JAKMIP3: variants seen among roughly 807,000 people sequenced by gnomAD.
JAKMIP3 encodes Janus kinase and microtubule interacting protein 3, also known as janus kinase and microtubule-interacting protein 3.
A neutral mutation model predicts 118.5 loss-of-function variants in JAKMIP3; 58 were observed. The ratio of observed to expected loss-of-function variants is 0.49; its 90% confidence interval spans 0.40 to 0.61. The LOEUF (loss-of-function observed/expected upper bound fraction) is 0.61, where lower values mean the gene tolerates loss of function less well. Ranked by LOEUF, JAKMIP3 falls within the 20% of genes least tolerant of loss-of-function variation. The probability of loss-of-function intolerance (pLI) is 0.00; values close to 1 mark genes in which losing one functional copy is unlikely to be tolerated. For synonymous variants in JAKMIP3, 486 were observed against 451.2 expected (o/e 1.08, Z -0.98); for missense variants, 950 against 1,109.0 (o/e 0.86, Z 2.04).
rs1375893679 is a variant in JAKMIP3, at chr10:132,167,852, C to T, written c.*23-101C>T. The T allele has an allele frequency of 1.8e-3, 778 of 423,176 alleles. 2 individuals are homozygous for T. Among genetic ancestry groups the T allele is most frequent in the Non-Finnish European group, 2.2e-3 (594 of 273,164 alleles). 26.2% of individuals were successfully genotyped at this position (423,176 alleles called of 1,614,324 possible). ...CACCCCTCGGCCCTCGCCCCTCGCCCCTCACCCCTCGGCCCTCGCCCCTCG... is the reference window on the plus strand; with the variant it reads ...CACCCCTCGGCCCTCGCCCCTCGCCTCTCACCCCTCGGCCCTCGCCCCTCG... On this transcript the variant is annotated intron_variant, in intron 22 of 23. Transcript: ENST00000684848.
chr10:132,073,799 A>C (rs1324247367), intron 1 of JAKMIP3, among the ~76,000 whole-genome samples: 1 of 151,864 alleles, frequency 6.6e-6, no homozygotes, highest in African/African-American at 2.4e-5. Flanking sequence ...CACCTGGCCT[A>C]TCTTTACTAT....
chr10:132,047,888 G>A (rs964809355), intron 1 of JAKMIP3, among the ~76,000 whole-genome samples: 10 of 143,938 alleles, frequency 6.9e-5, no homozygotes, highest in African/African-American at 2.5e-4. Flanking sequence ...CCCGCCCCCC[G>A]CGAGCTGACG....
At chr10:132,059,844 T>A (rs114667825), upstream of JAKMIP3, among the ~76,000 whole-genome samples, 1,884 of 152,294 alleles carry the variant, frequency 0.012, 31 homozygotes, top group African/African-American at 0.043. Context: ...GACTTTACCT[T>A]GGAGAACCAG....
chr10:132,052,574 C>T (rs369573936), intron 1 of JAKMIP3, among the ~76,000 whole-genome samples: 2 of 152,118 alleles, frequency 1.3e-5, no homozygotes, highest in African/African-American at 2.4e-5. Context: ...TGGGTTCTGC[C>T]TCTTTGTTTG....
intron 1 of JAKMIP3, among the ~76,000 whole-genome samples, chr10:132,097,777 T>A (rs1280176640): frequency 2.0e-5 from 3 of 151,662 alleles, no homozygotes; most frequent in Non-Finnish European, 4.4e-5. Context: ...TAAGAAAAAG[T>A]CATGGCACTT....
rs1006394749 is a variant in JAKMIP3, at chr10:132,184,520, T to A, written c.*3267T>A. 4.6e-5 allele frequency: 7 copies of A among 152,226 alleles called. No homozygotes were observed. Among genetic ancestry groups the A allele is most frequent in the South Asian group, 2.1e-4 (1 of 4,830 alleles). 9.4% of individuals were successfully genotyped at this position (152,226 alleles called of 1,614,324 possible). On this transcript the variant is annotated 3_prime_UTR_variant, in exon 24 of 24. Transcript: ENST00000684848. Reference sequence around the variant, plus strand: ...ATATATTTGTTTACTGTATATTTTTTAAAAAGCTTTATTGTAAATTTATGC... The same window carrying A: ...ATATATTTGTTTACTGTATATTTTTAAAAAAGCTTTATTGTAAATTTATGC...
At chr10:132,082,470 C>T (rs2041897864) in intron 1 of JAKMIP3, among the ~76,000 whole-genome samples, 1 of 152,108 alleles carries the variant, frequency 6.6e-6, no homozygotes. Flanking sequence ...CGAGTGAGAG[C>T]ATATGATGTT....
chr10:132,036,811 G>A (rs1265479071), intron 1 of JAKMIP3, among the ~76,000 whole-genome samples: 1 of 151,726 alleles, frequency 6.6e-6, no homozygotes, highest in African/African-American at 2.4e-5. Flanking sequence ...GTGCGTCCGG[G>A]ACGCGGGCGC....
intron 2 of JAKMIP3, among the ~76,000 whole-genome samples, chr10:132,116,584 G>A (rs558176665): frequency 1.3e-4 from 3 of 23,154 alleles, no homozygotes; most frequent in Admixed American, 5.3e-4. Flanking sequence ...CGCTCCCCCC[G>A]AATACACATT....
At chr10:132,130,765 C>T (rs2050418521) in intron 3 of JAKMIP3, among the ~76,000 whole-genome samples, 1 of 152,216 alleles carries the variant, frequency 6.6e-6, no homozygotes, top group African/African-American at 2.4e-5. Flanking sequence ...TGTGGCGAGA[C>T]GCATGTGTGC....
At position 132,168,222 on chromosome 10, in the gene JAKMIP3, G is replaced by T. The variant is rs114837050; in HGVS notation, c.*292G>T. Reference sequence around the variant, plus strand: ...GGACCCTGGGTCCCTTCTCCCGGACGGCAGCCCCCATCCCATTTCCAGGGA... The same window carrying T: ...GGACCCTGGGTCCCTTCTCCCGGACTGCAGCCCCCATCCCATTTCCAGGGA... On this transcript the variant is annotated 3_prime_UTR_variant, in exon 23 of 24. Transcript: ENST00000684848. 4.1e-3 allele frequency: 5,236 copies of T among 1,289,058 alleles called. 147 individuals carry two copies. In the African/African-American group the frequency reaches 0.065, roughly 16 times the overall value. The allele number at this position is 1,289,058 out of a possible 1,614,324, so 79.9% of individuals were successfully genotyped here.
At chr10:132,121,997 T>C (rs1364986349) in intron 3 of JAKMIP3, among the ~76,000 whole-genome samples, 2 of 152,348 alleles carry the variant, frequency 1.3e-5, no homozygotes, top group East Asian at 3.9e-4. Flanking sequence ...CCTCCCTAAC[T>C]CTGGCCAGCA....
intron 23 of JAKMIP3, among the ~76,000 whole-genome samples, chr10:132,180,694 T>C (rs186284779): frequency 0.024 from 398 of 16,888 alleles, 54 homozygotes; most frequent in Non-Finnish European, 0.031. Context: ...TGTGTGTGCG[T>C]GCGTGTGTGT....
At chr10:132,131,320 G>A (rs941539363) in intron 3 of JAKMIP3, among the ~76,000 whole-genome samples, 5 of 151,356 alleles carry the variant, frequency 3.3e-5, no homozygotes, top group African/African-American at 9.7e-5. Flanking sequence ...GGGTGAGTGT[G>A]TGGGGGCTTG....
chr10:132,076,881 C>G (rs946902101), intron 1 of JAKMIP3, among the ~76,000 whole-genome samples: 13 of 149,596 alleles, frequency 8.7e-5, no homozygotes, highest in Non-Finnish European at 1.9e-4. Flanking sequence ...GCGGTGTCCC[C>G]GGGTCTGACT....
Position 132,110,589 on chromosome 10 carries a change from CTG to C in JAKMIP3, c.135+5649_135+5650del, listed in dbSNP as rs539713178. On this transcript the variant is annotated intron_variant, in intron 2 of 23. Transcript: ENST00000684848. ...CAACTGCTTCATCACATTTTGCAGACTGTGATTTTCAGGGTAAAGAAGGTCCC... is the reference window on the plus strand; with the variant it reads ...CAACTGCTTCATCACATTTTGCAGACTGATTTTCAGGGTAAAGAAGGTCCC... 2.4e-3 allele frequency among the ~76,000 whole-genome samples: 373 copies of C among 152,366 alleles called. 3 individuals carry two copies. The highest frequency in any genetic ancestry group is 8.5e-3 in the African/African-American group (354 of 41,574).
At chr10:132,171,323 C>T (rs1204166261) in intron 23 of JAKMIP3, among the ~76,000 whole-genome samples, 1 of 152,194 alleles carries the variant, frequency 6.6e-6, no homozygotes, top group Non-Finnish European at 1.5e-5. Flanking sequence ...CTTTTGTGCC[C>T]TAGTCCCCAC....
At chr10:132,147,011 G>A (rs943406024) in intron 13 of JAKMIP3, among the ~76,000 whole-genome samples, 9 of 152,338 alleles carry the variant, frequency 5.9e-5, no homozygotes, top group Admixed American at 5.2e-4. Context: ...CATGCACACA[G>A]AGATGCTGGC....
chr10:132,177,486 CGTG>C (rs1472598499), intron 23 of JAKMIP3, among the ~76,000 whole-genome samples: 3 of 120,928 alleles, frequency 2.5e-5, no homozygotes, highest in East Asian at 3.3e-4. Context: ...TGCATTTGGT[CGTG>C]GTGTGTATAC....
Sources: gnomAD v4.1 joint callset for allele counts (sites outside exome capture counted in the v4.1 genomes callset) on GRCh38, gnomAD v4.1.1 for gene constraint, MANE v1.5 for transcripts, NCBI Gene and HGNC (gene_info 2026-07-23, HGNC 2026-07-21) for gene names.